The following DPY19L1 variants were observed in gnomAD, a reference collection of about 807,000 sequenced individuals.
DPY19L1 encodes the protein dpy-19 like C-mannosyltransferase 1.
In DPY19L1, 35 loss-of-function variants were observed where a neutral mutation model predicts 96.9. That is an observed-to-expected ratio of 0.36 (90% confidence interval 0.28 to 0.48). DPY19L1 has a LOEUF of 0.48. DPY19L1 is among the 20% of genes least tolerant of loss of function. DPY19L1 has a pLI of 0.99. For missense variants in DPY19L1, 521 were observed against 777.9 expected (o/e 0.67, Z 3.93); for synonymous variants, 205 against 252.6 (o/e 0.81, Z 1.79).
chr7:35,021,554 A>C (rs936772691), intron 1 of DPY19L1, among the ~76,000 whole-genome samples: 8 of 152,220 alleles, frequency 5.3e-5, no homozygotes, highest in African/African-American at 1.9e-4. Context: ...ACACTTTATA[A>C]GTACTTTACT....
At chr7:35,023,996 C>T (rs545132020) in intron 1 of DPY19L1, among the ~76,000 whole-genome samples, 64 of 151,878 alleles carry the variant, frequency 4.2e-4, no homozygotes, top group Admixed American at 9.2e-4. Context: ...CCACCACACC[C>T]GGCTAATTTT....
chr7:34,952,712 A>G (rs1362195693), intron 13 of DPY19L1, among the ~76,000 whole-genome samples: 1 of 152,126 alleles, frequency 6.6e-6, no homozygotes, highest in Admixed American at 6.5e-5. Flanking sequence ...CAGGATACAA[A>G]CTAGATCAAC....
At chr7:35,033,431 C>G (rs1347305264) in intron 1 of DPY19L1, among the ~76,000 whole-genome samples, 1 of 152,176 alleles carries the variant, frequency 6.6e-6, no homozygotes, top group African/African-American at 2.4e-5. Flanking sequence ...CATTTTACCC[C>G]ACCAACTAGC....
intron 18 of DPY19L1, among the ~76,000 whole-genome samples, chr7:34,941,500 T>A (rs1784014440): frequency 6.6e-6 from 1 of 152,244 alleles, no homozygotes; most frequent in Non-Finnish European, 1.5e-5. Context: ...AATTAAGCTC[T>A]GCTTTCTATC....
chr7:35,000,722 A>T (rs1785405370), intron 6 of DPY19L1: 2 of 152,254 alleles, frequency 1.3e-5, no homozygotes, highest in Admixed American at 1.3e-4. Flanking sequence ...TTATTACAGA[A>T]CAGTAATATT....
intron 13 of DPY19L1, 139 bp downstream of exon 13, chr7:34,954,559 T>C: frequency 3.9e-6 from 2 of 511,594 alleles, no homozygotes; most frequent in Non-Finnish European, 6.9e-6. Context: ...ATTTACTTTC[T>C]ATTATATTAA....
At chr7:34,959,898 A>T (rs1313472545) in intron 10 of DPY19L1, among the ~76,000 whole-genome samples, 2 of 62,428 alleles carry the variant, frequency 3.2e-5, no homozygotes, top group African/African-American at 1.2e-4. Context: ...TTTGTATATA[A>T]ATATATATAT....
intron 9 of DPY19L1, among the ~76,000 whole-genome samples, chr7:34,967,632 C>A (rs1784638996): frequency 6.6e-6 from 1 of 152,108 alleles, no homozygotes; most frequent in South Asian, 2.1e-4. Flanking sequence ...GGTATAGTAT[C>A]TATTACATAG....
chr7:34,940,393 C>T, intron 18 of DPY19L1, 66 bp from the exon 19 acceptor site: 1 of 1,406,628 alleles, frequency 7.1e-7, no homozygotes, highest in Non-Finnish European at 9.5e-7. Flanking sequence ...TTATGCAAAA[C>T]TTCTTCCCAG....
At chr7:35,037,921 A>T, upstream of DPY19L1, 1 of 1,234,178 alleles carries the variant, frequency 8.1e-7, no homozygotes. Flanking sequence ...GGCCGAAGGA[A>T]GAGCCCTCTC....
At position 34,955,351 on chromosome 7, in the gene DPY19L1, T is replaced by C; in HGVS notation, c.1196A>G (p.Lys399Arg). 6.2e-7 allele frequency: 1 copy of C among 1,608,810 alleles called. No homozygotes were observed. Among genetic ancestry groups the C allele is most frequent in the East Asian group, 2.2e-5 (1 of 44,674 alleles). The change falls in exon 12 of 22, where the codon AAA becomes AGA. Residue 399 changes from lysine (K) to arginine (R), a missense_variant. Coordinates refer to ENST00000638088, the MANE Select transcript of DPY19L1 (RefSeq NM_001366673.1). ...TACATTTATTTTCAGGAAATGTGGT[T>C]TCATTGCCAGAATACCCTGAGTAGA... ...LVIIWGILAM[K>R]PHFLKINVSE...
At chr7:34,958,236 CCAT>C (rs1296107359) in intron 10 of DPY19L1, among the ~76,000 whole-genome samples, 166 bp from the exon 11 acceptor site, 1 of 152,156 alleles carries the variant, frequency 6.6e-6, no homozygotes, top group East Asian at 1.9e-4. Flanking sequence ...CCAGAGATAA[CCAT>C]CATCAACAGT....
chr7:34,960,430 G>C (rs1353845085), intron 10 of DPY19L1, among the ~76,000 whole-genome samples: 3 of 151,920 alleles, frequency 2.0e-5, no homozygotes, highest in Non-Finnish European at 4.4e-5. Flanking sequence ...GTTTTATCAA[G>C]AATCTTCATA....
At chr7:34,992,553 T>C (rs1370853803) in intron 6 of DPY19L1, among the ~76,000 whole-genome samples, 1 of 151,406 alleles carries the variant, frequency 6.6e-6, no homozygotes, top group African/African-American at 2.4e-5. Flanking sequence ...CTTTTTTTTT[T>C]TTTTTTTTCC....
chr7:34,959,925 T>TATAAA (rs1562806987), intron 10 of DPY19L1, among the ~76,000 whole-genome samples: 2 of 127,950 alleles, frequency 1.6e-5, no homozygotes, highest in African/African-American at 2.8e-5. Context: ...ATATATATAT[T>TATAAA]TATATATATA....
intron 7 of DPY19L1, among the ~76,000 whole-genome samples, chr7:34,986,970 T>C (rs1785061653): frequency 6.6e-6 from 1 of 151,972 alleles, no homozygotes; most frequent in South Asian, 2.1e-4. Context: ...ACAGCATCAA[T>C]CATGCTTCAT....
At chr7:34,982,192 G>A (rs1187736072) in intron 7 of DPY19L1, among the ~76,000 whole-genome samples, 4 of 152,066 alleles carry the variant, frequency 2.6e-5, no homozygotes, top group Admixed American at 2.0e-4. Flanking sequence ...AGAATTTATG[G>A]GAATAAACTA....
intron 8 of DPY19L1, among the ~76,000 whole-genome samples, chr7:34,970,009 G>T (rs1028900165): frequency 1.8e-4 from 28 of 152,196 alleles, no homozygotes; most frequent in African/African-American, 6.5e-4. Flanking sequence ...ACAGGTAGGA[G>T]AACACAGAAA....
At chr7:34,977,826 G>C (rs1466242776) in intron 7 of DPY19L1, among the ~76,000 whole-genome samples, 1 of 151,804 alleles carries the variant, frequency 6.6e-6, no homozygotes, top group Non-Finnish European at 1.5e-5. Flanking sequence ...TTCAAAAAAG[G>C]GTTATACAAA....
Sources: gnomAD v4.1 joint callset for allele counts (sites outside exome capture counted in the v4.1 genomes callset) on GRCh38, gnomAD v4.1.1 for gene constraint, MANE v1.5 for transcripts, NCBI Gene and HGNC (gene_info 2026-07-23, HGNC 2026-07-21) for gene names.